The following MYOM1 variants were observed in gnomAD, a reference collection of about 807,000 sequenced individuals.
The protein encoded by MYOM1 is myomesin-1.
A neutral mutation model predicts 205.3 loss-of-function variants in MYOM1; 164 were observed. That is an observed-to-expected ratio of 0.80 (90% confidence interval 0.70 to 0.91). The LOEUF is 0.91. MYOM1 is among the 40% of genes least tolerant of loss of function. MYOM1 has a pLI of 0.00. For synonymous variants in MYOM1, 772 were observed against 789.4 expected (o/e 0.98, Z 0.37); for missense variants, 2,011 against 2,127.3 (o/e 0.95, Z 1.08).
chr18:3,154,062 G>A (rs7239042), intron 11 of MYOM1, among the ~76,000 whole-genome samples: 279 of 152,170 alleles, frequency 1.8e-3, no homozygotes, highest in African/African-American at 6.3e-3. Context: ...TTACTTCTTT[G>A]TATAACTTGA....
chr18:3,204,008 A>G (rs2081100520), intron 2 of MYOM1, among the ~76,000 whole-genome samples: 1 of 152,028 alleles, frequency 6.6e-6, no homozygotes, highest in Admixed American at 6.5e-5. Flanking sequence ...AGCAAAAACC[A>G]TATTATCATC....
intron 2 of MYOM1, among the ~76,000 whole-genome samples, chr18:3,198,303 C>T (rs577638786): frequency 1.8e-4 from 27 of 152,188 alleles, no homozygotes; most frequent in Admixed American, 7.9e-4. Flanking sequence ...ATTGTCTCCG[C>T]TGACTGTGCC....
the MYOM1 span, among the ~76,000 whole-genome samples, chr18:3,233,230 C>T: frequency 6.6e-6 from 1 of 152,174 alleles, no homozygotes; most frequent in African/African-American, 2.4e-5. Context: ...AGTTTGGTAA[C>T]AACATTCATC....
chr18:3,216,991 G>A (rs1289516671), intron 1 of MYOM1: 2 of 152,168 alleles, frequency 1.3e-5, no homozygotes, highest in Non-Finnish European at 2.9e-5. Context: ...TGTCTCTATA[G>A]GAAAAGAAAA....
chr18:3,141,796 G>T, intron 14 of MYOM1, 143 bp downstream of exon 14: 1 of 1,061,920 alleles, frequency 9.4e-7, no homozygotes, highest in Non-Finnish European at 1.4e-6. Context: ...TATGGAGACA[G>T]TTCACAGTTG....
chr18:3,070,773 T>TGTGTGC (rs771732957), intron 37 of MYOM1, among the ~76,000 whole-genome samples: 7 of 147,384 alleles, frequency 4.7e-5, no homozygotes, highest in African/African-American at 1.5e-4. Context: ...TGTGTGTGTG[T>TGTGTGC]GCACGTGTGT....
chr18:3,099,879 C>T (rs1388925446), intron 25 of MYOM1, among the ~76,000 whole-genome samples: 5 of 152,144 alleles, frequency 3.3e-5, no homozygotes, highest in African/African-American at 1.2e-4. Flanking sequence ...AAGTGAAGAA[C>T]TTAATTACTC....
At position 3,067,381 on chromosome 18, in the gene MYOM1, C is replaced by T; in HGVS notation, c.4939G>A (p.Val1647Ile). 1.2e-6 allele frequency: 2 copies of T among 1,613,198 alleles called. No homozygotes were observed. The highest frequency in any genetic ancestry group is 1.7e-6 in the Non-Finnish European group (2 of 1,179,906). The change falls in exon 38 of 38, where the codon GTT (valine) becomes ATT (isoleucine). Residue 1647 changes from valine to isoleucine, a missense_variant. Physicochemically the swap from Val to Ile is conservative, Grantham distance 29. Transcript: ENST00000356443. The part of the protein sequence containing the change: ...STADSGKYGL[V>I]VKNKYGSETS... Reference sequence around the variant, plus strand: ...TCCGAGCCATACTTGTTCTTCACAACCAGCCCGTATTTGCCCGAGTCAGCG... The same window carrying T: ...TCCGAGCCATACTTGTTCTTCACAATCAGCCCGTATTTGCCCGAGTCAGCG...
chr18:3,236,746 C>A, the MYOM1 span, among the ~76,000 whole-genome samples: 1 of 152,054 alleles, frequency 6.6e-6, no homozygotes. Context: ...ACTTGGTGAT[C>A]GGTGTATAAG....
In MYOM1 at chr18:3,066,870, G is replaced by A. The variant is rs530059928; in HGVS notation, c.*392C>T. The A allele has an allele frequency of 5.1e-5, 9 of 178,042 alleles. No individual in the cohort carries two copies. Among genetic ancestry groups the A allele is most frequent in the Admixed American group, 5.5e-5 (1 of 18,218 alleles). The allele number at this position is 178,042 out of a possible 1,614,324, so 11.0% of individuals were successfully genotyped here. A position where few individuals can be genotyped will look rare whatever the true frequency, so the allele number is the denominator to read the frequency against. On this transcript the variant is annotated 3_prime_UTR_variant, in exon 38 of 38. Transcript: ENST00000356443. ...CAGAGGAGGTTCCAAGCCACGAGGC[G>A]CCCGTCGAAAAGCACATCACCTCTG...
the MYOM1 span, among the ~76,000 whole-genome samples, chr18:3,228,774 C>T: frequency 3.3e-5 from 5 of 152,276 alleles, no homozygotes; most frequent in South Asian, 4.2e-4. This position sits in a 1 kb window ranked among gnomAD's most constrained non-coding sequence, Gnocchi z 4.5. Context: ...GGGTCCCGCG[C>T]GTGACCGAGG....
At chr18:3,124,180 T>G (rs2079740693) in intron 19 of MYOM1, among the ~76,000 whole-genome samples, 1 of 150,888 alleles carries the variant, frequency 6.6e-6, no homozygotes, top group Non-Finnish European at 1.5e-5. Flanking sequence ...TCACCCACTG[T>G]TACACAAACA....
At chr18:3,127,303 AT>A (rs1162459688) in intron 18 of MYOM1, among the ~76,000 whole-genome samples, 111 of 48,838 alleles carry the variant, frequency 2.3e-3, no homozygotes, top group South Asian at 0.01. Flanking sequence ...ATATATATAT[AT>A]ATTTTTTTTT....
At chr18:3,212,648 A>C (rs150904234) in intron 2 of MYOM1, among the ~76,000 whole-genome samples, 1 of 152,336 alleles carries the variant, frequency 6.6e-6, no homozygotes, top group African/African-American at 2.4e-5. Context: ...ACTGCCTTAT[A>C]ATGAAAATGC....
chr18:3,199,691 T>G (rs1200367946), intron 2 of MYOM1, among the ~76,000 whole-genome samples: 1 of 152,090 alleles, frequency 6.6e-6, no homozygotes, highest in Non-Finnish European at 1.5e-5. Flanking sequence ...AATACAAAAA[T>G]TAGCTAGGCA....
At chr18:3,123,831 A>ATTTTTTTTTTTTT (rs34679474) in intron 19 of MYOM1, among the ~76,000 whole-genome samples, 1 of 142,284 alleles carries the variant, frequency 7.0e-6, no homozygotes, top group African/African-American at 2.6e-5. Context: ...TTATTTATTT[A>ATTTTTTTTTTTTT]TTTTTTTTGA....
intron 33 of MYOM1, among the ~76,000 whole-genome samples, chr18:3,082,806 C>T (rs2079099695): frequency 6.6e-6 from 1 of 152,174 alleles, no homozygotes; most frequent in Non-Finnish European, 1.5e-5. Context: ...TGAATAGAGT[C>T]CCTGTATAAC....
chr18:3,149,658 A>G (rs902313438), intron 12 of MYOM1, among the ~76,000 whole-genome samples: 1 of 152,234 alleles, frequency 6.6e-6, no homozygotes, highest in African/African-American at 2.4e-5. Flanking sequence ...AAAGCTCAGC[A>G]AAGCAAATTT....
chr18:3,117,507 C>A (rs562151915), intron 20 of MYOM1, among the ~76,000 whole-genome samples: 1 of 152,286 alleles, frequency 6.6e-6, no homozygotes, highest in East Asian at 1.9e-4. Context: ...GAAGCCAAGA[C>A]ACTTCATAAC....
Sources: allele counts gnomAD v4.1 joint callset (sites outside exome capture counted in the v4.1 genomes callset), GRCh38; gene constraint gnomAD v4.1.1; non-coding constraint Gnocchi (gnomAD v3.1); transcripts MANE v1.5; gene names NCBI Gene and HGNC (gene_info 2026-07-23, HGNC 2026-07-21).